The following TMEFF2 variants were observed in gnomAD, a reference collection of about 807,000 sequenced individuals.
TMEFF2 encodes tomoregulin-2.
Under a neutral mutation model 53.8 loss-of-function variants are expected in TMEFF2, and 28 were observed. The ratio of observed to expected loss-of-function variants is 0.52; its 90% CI spans 0.39 to 0.71. The LOEUF is 0.71. Ranked by LOEUF, TMEFF2 falls within the 30% of genes least tolerant of loss-of-function variation. TMEFF2 has a pLI of 0.00. For synonymous variants in TMEFF2, 162 were observed against 166.3 expected (o/e 0.97, Z 0.20); for missense variants, 353 against 455.2 (o/e 0.78, Z 2.04).
chr2:192,161,574 T>C (rs1690634796), intron 4 of TMEFF2, among the ~76,000 whole-genome samples: 1 of 152,232 alleles, frequency 6.6e-6, no homozygotes, highest in African/African-American at 2.4e-5. Context: ...GGATGTATAG[T>C]GTAAGCAATT....
chr2:192,148,119 A>G (rs1559146768), intron 4 of TMEFF2, among the ~76,000 whole-genome samples: 1 of 151,986 alleles, frequency 6.6e-6, no homozygotes, highest in Non-Finnish European at 1.5e-5. Flanking sequence ...CAGAGTATCA[A>G]TTTGGGCTAT....
At chr2:192,136,379 T>C (rs1574406366) in intron 4 of TMEFF2, among the ~76,000 whole-genome samples, 1 of 152,230 alleles carries the variant, frequency 6.6e-6, no homozygotes, top group East Asian at 1.9e-4. Context: ...TTCAGCTTCC[T>C]TATCTCTTGC....
chr2:192,122,548 ATGGTGTATGGT>A (rs1327848694), intron 4 of TMEFF2, among the ~76,000 whole-genome samples: 1 of 152,188 alleles, frequency 6.6e-6, no homozygotes, highest in Non-Finnish European at 1.5e-5. Context: ...TATTTTAAAT[ATGGTGTATGGT>A]ACTGCATTAT....
chr2:191,970,771 T>A (rs1288091135), intron 7 of TMEFF2, among the ~76,000 whole-genome samples: 1 of 152,192 alleles, frequency 6.6e-6, no homozygotes, highest in African/African-American at 2.4e-5. Context: ...CTTTTAATAG[T>A]CCAAATGGAG....
intron 7 of TMEFF2, among the ~76,000 whole-genome samples, chr2:191,964,047 T>C (rs2105795017): frequency 6.6e-6 from 1 of 152,282 alleles, no homozygotes; most frequent in South Asian, 2.1e-4. Flanking sequence ...CTCTTTCCAG[T>C]GTGATATGTA....
intron 4 of TMEFF2, among the ~76,000 whole-genome samples, chr2:192,083,644 G>A (rs932469064): frequency 6.6e-6 from 1 of 151,502 alleles, no homozygotes; most frequent in Non-Finnish European, 1.5e-5. Context: ...GTTACCATAT[G>A]TAGTATTTAG....
intron 7 of TMEFF2, among the ~76,000 whole-genome samples, chr2:191,977,076 T>G (rs1685746778): frequency 6.6e-6 from 1 of 152,238 alleles, no homozygotes; most frequent in African/African-American, 2.4e-5. Flanking sequence ...TAAATGAAAG[T>G]GGCTGTTATA....
chr2:192,001,639 TG>T (rs1233193093), intron 5 of TMEFF2, among the ~76,000 whole-genome samples: 2 of 152,124 alleles, frequency 1.3e-5, no homozygotes, highest in Non-Finnish European at 2.9e-5. Context: ...AATTGAATCA[TG>T]GGGGCAGGTA....
At chr2:192,164,315 G>A (rs751050878) in intron 4 of TMEFF2, among the ~76,000 whole-genome samples, 14 of 152,048 alleles carry the variant, frequency 9.2e-5, no homozygotes, top group Middle Eastern at 3.2e-3. Flanking sequence ...CCTTTGCTCC[G>A]AATGCCCTGC....
chr2:191,999,792 A>G (rs903233961), intron 5 of TMEFF2, among the ~76,000 whole-genome samples: 1 of 151,998 alleles, frequency 6.6e-6, no homozygotes, highest in African/African-American at 2.4e-5. Context: ...GGAAAAATGA[A>G]AGCTATAGAT....
intron 4 of TMEFF2, among the ~76,000 whole-genome samples, chr2:192,128,791 C>T (rs927936530): frequency 1.3e-5 from 2 of 152,166 alleles, no homozygotes; most frequent in African/African-American, 4.8e-5. Flanking sequence ...TGTGGGTTGC[C>T]AAGCAGCTTC....
intron 5 of TMEFF2, chr2:192,037,219 T>G (rs997038867): frequency 6.7e-6 from 1 of 149,300 alleles, no homozygotes; most frequent in South Asian, 2.1e-4. Flanking sequence ...GCAAATGTTC[T>G]GGCCAGTGGG....
At chr2:192,105,398 C>T (rs1326439003) in intron 4 of TMEFF2, among the ~76,000 whole-genome samples, 1 of 151,824 alleles carries the variant, frequency 6.6e-6, no homozygotes, top group East Asian at 1.9e-4. Flanking sequence ...AAATTAATAA[C>T]AGCTATTATT....
intron 4 of TMEFF2, among the ~76,000 whole-genome samples, chr2:192,136,344 C>T (rs916140719): frequency 2.6e-5 from 4 of 152,126 alleles, no homozygotes; most frequent in Non-Finnish European, 4.4e-5. Context: ...AGGTTAATTG[C>T]TAAGTATTTT....
intron 5 of TMEFF2, among the ~76,000 whole-genome samples, chr2:192,007,304 CAAGT>C (rs1686521557): frequency 6.6e-6 from 1 of 152,116 alleles, no homozygotes; most frequent in Non-Finnish European, 1.5e-5. Context: ...ATTAATTTGC[CAAGT>C]AAAACCAAGA....
chr2:192,158,979 A>G (rs917743105), intron 4 of TMEFF2, among the ~76,000 whole-genome samples: 20 of 152,078 alleles, frequency 1.3e-4, no homozygotes, highest in African/African-American at 4.6e-4. Flanking sequence ...CTGAATGACT[A>G]CAGACCATAC....
At chr2:192,101,380 A>AGAG (rs555162668) in intron 4 of TMEFF2, among the ~76,000 whole-genome samples, 147 of 152,326 alleles carry the variant, frequency 9.7e-4, no homozygotes, top group African/African-American at 3.4e-3. Context: ...AAAAAACTCT[A>AGAG]GAGGATCATG....
At chr2:192,057,107 G>A (rs1021019914) in intron 5 of TMEFF2, among the ~76,000 whole-genome samples, 1 of 152,158 alleles carries the variant, frequency 6.6e-6, no homozygotes, top group African/African-American at 2.4e-5. Context: ...GCAATGGCAT[G>A]ATCACAGATC....
At chr2:192,112,065 G>A (rs369535111) in intron 4 of TMEFF2, among the ~76,000 whole-genome samples, 2 of 152,314 alleles carry the variant, frequency 1.3e-5, no homozygotes, top group African/African-American at 4.8e-5. Context: ...GAGCAGCGCA[G>A]AAGAAAAATG....
Sources: allele counts gnomAD v4.1 joint callset (sites outside exome capture counted in the v4.1 genomes callset), GRCh38; gene constraint gnomAD v4.1.1; transcripts MANE v1.5; gene names NCBI Gene and HGNC (gene_info 2026-07-23, HGNC 2026-07-21).